The following WWOX variants were observed in gnomAD, a reference collection of about 807,000 sequenced individuals.
WWOX encodes the protein WW domain containing oxidoreductase.
WWOX carries 69 observed loss-of-function variants against 46.2 expected under a neutral mutation model. The ratio of observed to expected loss-of-function variants is 1.49; its 90% CI spans 1.23 to 1.82. The LOEUF (loss-of-function observed/expected upper bound fraction) is 1.82, where lower values mean the gene tolerates loss of function less well. Among genes scored for constraint, WWOX ranks in the 40% most tolerant of loss-of-function variants. WWOX has a pLI of 0.00. For missense variants in WWOX, 919 were observed against 542.6 expected (o/e 1.69, Z -6.89); for synonymous variants, 359 against 202.6 (o/e 1.77, Z -6.56).
chr16:78,328,965 G>A (rs1395655324), intron 5 of WWOX, among the ~76,000 whole-genome samples: 1 of 151,982 alleles, frequency 6.6e-6, no homozygotes, highest in Non-Finnish European at 1.5e-5. Flanking sequence ...GGGTTGAAGC[G>A]ATTCTCCTGC....
chr16:78,877,333 T>A (rs1283446380), intron 8 of WWOX, among the ~76,000 whole-genome samples: 1 of 148,484 alleles, frequency 6.7e-6, no homozygotes, highest in Non-Finnish European at 1.5e-5. Flanking sequence ...CCTACTGGCC[T>A]CTTGTTCTTC....
intron 8 of WWOX, among the ~76,000 whole-genome samples, chr16:79,026,964 T>C (rs1280577653): frequency 1.3e-5 from 2 of 151,302 alleles, no homozygotes; most frequent in Non-Finnish European, 2.9e-5. Context: ...TTTTGCTGAA[T>C]ACTGAGTAAA....
chr16:79,120,520 G>A (rs893423257), intron 8 of WWOX, among the ~76,000 whole-genome samples: 18 of 152,096 alleles, frequency 1.2e-4, no homozygotes, highest in Admixed American at 3.9e-4. Context: ...AGTTTTTTGT[G>A]GCTGCTGTAA....
chr16:78,517,830 A>T (rs1486072374), intron 8 of WWOX, among the ~76,000 whole-genome samples: 1 of 151,596 alleles, frequency 6.6e-6, no homozygotes, highest in Non-Finnish European at 1.5e-5. Context: ...AAGTGAAAAA[A>T]AAAAAGAATG....
chr16:78,854,693 G>T (rs546612390), intron 8 of WWOX, among the ~76,000 whole-genome samples: 2 of 152,128 alleles, frequency 1.3e-5, no homozygotes, highest in African/African-American at 4.8e-5. Flanking sequence ...TGATTCTCCT[G>T]CCTCAGCCTC....
intron 8 of WWOX, among the ~76,000 whole-genome samples, chr16:78,603,277 A>C (rs1345519699): frequency 6.6e-6 from 1 of 152,224 alleles, no homozygotes; most frequent in African/African-American, 2.4e-5. Flanking sequence ...TGGTGACTGG[A>C]GGAGCCAGAA....
intron 8 of WWOX, among the ~76,000 whole-genome samples, chr16:78,985,234 G>A (rs2046761518): frequency 6.6e-6 from 1 of 152,200 alleles, no homozygotes; most frequent in African/African-American, 2.4e-5. Flanking sequence ...TTGATCATGA[G>A]GGTTTTACAG....
chr16:78,971,561 G>A (rs575818553), intron 8 of WWOX, among the ~76,000 whole-genome samples: 520 of 152,042 alleles, frequency 3.4e-3, no homozygotes, highest in Non-Finnish European at 5.9e-3. Flanking sequence ...GATCCCTGAC[G>A]GGTCAAATGG....
rs373939928 is a variant in WWOX at position 78,444,649 on chromosome 16, G to T, written c.1056+11897G>T. Among the ~76,000 whole-genome samples the T allele has an allele frequency of 3.4e-4, 52 of 151,454 alleles. No homozygotes were observed. In the East Asian group the frequency reaches 5.5e-3, roughly 16 times the overall value. ...GGGTTCAAGCAATTCTCCTGCCTCA[G>T]ACTCCCGAGTAGCTAGGACTACAGG... On this transcript the variant is annotated intron_variant, in intron 8 of 8. Coordinates refer to ENST00000566780, the MANE Select transcript of WWOX (RefSeq NM_016373.4).
chr16:78,263,484 A>T (rs1197358951), intron 5 of WWOX, among the ~76,000 whole-genome samples: 1 of 152,198 alleles, frequency 6.6e-6, no homozygotes, highest in African/African-American at 2.4e-5. Context: ...CAGGACAGGT[A>T]AGAACAGCAA....
At chr16:78,145,105 G>T (rs376700920) in intron 4 of WWOX, among the ~76,000 whole-genome samples, 4 of 152,162 alleles carry the variant, frequency 2.6e-5, no homozygotes, top group African/African-American at 7.2e-5. Flanking sequence ...CCAGAAGGTT[G>T]AAGTCAAGGT....
chr16:78,726,944 G>C (rs1025544071), intron 8 of WWOX, among the ~76,000 whole-genome samples: 1 of 152,204 alleles, frequency 6.6e-6, no homozygotes, highest in Admixed American at 6.5e-5. Flanking sequence ...TGTCTGCACA[G>C]TGCTGAGCTT....
intron 8 of WWOX, among the ~76,000 whole-genome samples, chr16:78,584,764 A>G (rs2045152268): frequency 6.6e-6 from 1 of 152,236 alleles, no homozygotes; most frequent in African/African-American, 2.4e-5. Flanking sequence ...GCCTTGTGGT[A>G]TGCTGGAAAT....
chr16:79,025,133 T>TTC (rs2151389236), intron 8 of WWOX, among the ~76,000 whole-genome samples: 2 of 152,270 alleles, frequency 1.3e-5, no homozygotes, highest in East Asian at 1.9e-4. Context: ...TGTTTTGTTT[T>TTC]GTTTTGTTTT....
chr16:78,149,346 T>A (rs1021187531), intron 4 of WWOX, among the ~76,000 whole-genome samples: 2 of 152,192 alleles, frequency 1.3e-5, no homozygotes, highest in Non-Finnish European at 2.9e-5. Context: ...TGGAAGAACA[T>A]AGAGAGAAAC....
chr16:79,105,710 T>A (rs1397103014), intron 8 of WWOX, among the ~76,000 whole-genome samples: 1 of 151,882 alleles, frequency 6.6e-6, no homozygotes, highest in Admixed American at 6.6e-5. Flanking sequence ...TCACTCAGGC[T>A]GGAGTGCAGT....
intron 8 of WWOX, among the ~76,000 whole-genome samples, chr16:79,117,808 T>C (rs2049547631): frequency 6.6e-6 from 1 of 152,196 alleles, no homozygotes; most frequent in Non-Finnish European, 1.5e-5. Context: ...GCTTCCAAGT[T>C]TTCTTCTGCA....
chr16:78,671,600 T>A (rs745553258), intron 8 of WWOX, among the ~76,000 whole-genome samples: 5 of 152,154 alleles, frequency 3.3e-5, no homozygotes, highest in Non-Finnish European at 5.9e-5. Context: ...GAGCCCTGAT[T>A]TTCTTACCTA....
chr16:78,525,728 A>C (rs1198697076), intron 8 of WWOX: 4 of 151,958 alleles, frequency 2.6e-5, no homozygotes, highest in African/African-American at 9.7e-5. Context: ...ACCATAAGCT[A>C]CTAGGGCCAC....
Sources: gnomAD v4.1 joint callset for allele counts (sites outside exome capture counted in the v4.1 genomes callset) on GRCh38, gnomAD v4.1.1 for gene constraint, MANE v1.5 for transcripts, NCBI Gene and HGNC (gene_info 2026-07-23, HGNC 2026-07-21) for gene names.